Variants in ABCC4 observed in about 807,000 individuals in gnomAD.
The protein encoded by ABCC4 is ATP-binding cassette sub-family C member 4.
ABCC4 carries 102 observed loss-of-function variants against 168.5 expected under a neutral mutation model. The ratio of observed to expected loss-of-function variants is 0.61; its 90% confidence interval spans 0.52 to 0.71. ABCC4 has a LOEUF of 0.71. Among genes scored for constraint, ABCC4 ranks in the 30% least tolerant of loss-of-function variants. The probability of loss-of-function intolerance (pLI) is 0.00; values close to 1 mark genes in which losing one functional copy is unlikely to be tolerated. For missense variants in ABCC4, 1,402 were observed against 1,605.8 expected, an observed-to-expected ratio of 0.87 and a Z score of 2.17; for synonymous variants, 617 against 590.7, an observed-to-expected ratio of 1.04 and a Z score of -0.65.
chr13:95,191,984 C>A (rs2038267474), intron 9 of ABCC4, among the ~76,000 whole-genome samples: 1 of 152,206 alleles, frequency 6.6e-6, no homozygotes, highest in Non-Finnish European at 1.5e-5. Flanking sequence ...CCCTCTGGGA[C>A]CTCCCCAGGC....
chr13:95,221,274 G>A (rs2138714373), intron 4 of ABCC4, among the ~76,000 whole-genome samples: 1 of 152,194 alleles, frequency 6.6e-6, no homozygotes, highest in South Asian at 2.1e-4. Context: ...CAGTGCCCAG[G>A]ATGGCGTACA....
intron 1 of ABCC4, among the ~76,000 whole-genome samples, chr13:95,259,122 C>G (rs1449909216): frequency 6.6e-6 from 1 of 152,162 alleles, no homozygotes; most frequent in African/African-American, 2.4e-5. Flanking sequence ...CATGGTGGCT[C>G]ACGCCTGTAA....
chr13:95,035,276 CAT>C (rs1263516345), intron 29 of ABCC4, among the ~76,000 whole-genome samples: 1 of 152,158 alleles, frequency 6.6e-6, no homozygotes, highest in Non-Finnish European at 1.5e-5. Flanking sequence ...GGTTCTAGAA[CAT>C]GTCAGCTGCC....
At chr13:95,120,508 A>G (rs1678340) in intron 19 of ABCC4, among the ~76,000 whole-genome samples, 134,340 of 149,142 alleles carry the variant, frequency 0.9, 60,803 homozygotes, top group South Asian at 0.95. Flanking sequence ...GGAGGTTGCC[A>G]TGAGCCAAGA....
intron 3 of ABCC4, among the ~76,000 whole-genome samples, chr13:95,238,476 G>A (rs544512230): frequency 6.6e-6 from 1 of 152,236 alleles, no homozygotes; most frequent in Non-Finnish European, 1.5e-5. Context: ...ATTCTGGAGT[G>A]TAGAAACCAA....
At chr13:95,175,921 C>T (rs373337184) in intron 13 of ABCC4, among the ~76,000 whole-genome samples, 111 of 152,258 alleles carry the variant, frequency 7.3e-4, no homozygotes, top group African/African-American at 1.5e-3. Context: ...CTTTCTCTCA[C>T]GGTACCTTCT....
At chr13:95,217,422 C>G (rs1049597492) in intron 4 of ABCC4, among the ~76,000 whole-genome samples, 7 of 152,176 alleles carry the variant, frequency 4.6e-5, no homozygotes, top group Non-Finnish European at 8.8e-5. Context: ...TCCCCCCTCT[C>G]TAATAGTCCT....
intron 8 of ABCC4, among the ~76,000 whole-genome samples, chr13:95,202,256 G>A (rs2139663141): frequency 6.6e-6 from 1 of 152,284 alleles, no homozygotes. Flanking sequence ...CAGGGTCTCT[G>A]GCCTGCCAGC....
chr13:95,186,638 G>T, intron 11 of ABCC4, 63 bp downstream of exon 11: 2 of 1,460,102 alleles, frequency 1.4e-6, no homozygotes, highest in Non-Finnish European at 1.9e-6. Context: ...AAACCTTGTT[G>T]TTCAAGTGAA....
chr13:95,089,936 G>A (rs2034378119), intron 20 of ABCC4, among the ~76,000 whole-genome samples: 1 of 152,092 alleles, frequency 6.6e-6, no homozygotes, highest in African/African-American at 2.4e-5. Flanking sequence ...CGAGAGGCAG[G>A]ACTAGATTGC....
chr13:95,244,195 C>T lies in ABCC4; in HGVS notation c.306+2780G>A, dbSNP rs116544960. Among the ~76,000 whole-genome samples, 806 of 152,204 alleles carry T rather than the reference C, an allele frequency of 5.3e-3. 7 individuals carry two copies. Among genetic ancestry groups the T allele is most frequent in the African/African-American group, 0.017 (703 of 41,532 alleles). ...GGAGATGGTTAGGTCCCTAAGTCAG[C>T]GCTCCTGAGACTGAATCTGGGCTCT... On this transcript the variant is annotated intron_variant, in intron 3 of 30. Transcript: ENST00000645237.
intron 4 of ABCC4, among the ~76,000 whole-genome samples, chr13:95,223,496 G>GT (rs2039363257): frequency 6.6e-6 from 1 of 152,082 alleles, no homozygotes; most frequent in African/African-American, 2.4e-5. Context: ...AAAGTGTAAA[G>GT]TTTTTTGTTT....
chr13:95,139,739 A>G (rs1474934364), intron 19 of ABCC4, among the ~76,000 whole-genome samples: 1 of 152,162 alleles, frequency 6.6e-6, no homozygotes, highest in Non-Finnish European at 1.5e-5. Flanking sequence ...GTCATATTCA[A>G]TGGTTCTTTC....
rs533484637 is a variant in ABCC4 at position 95,191,521 on chromosome 13, C to T, written c.1264-2979G>A. The stretch of plus-strand genomic sequence containing the variant: ...ATTACCTAAACACTTGGAAAAATAA[C>T]GTTAAACAAAATGTGACATATTTAC... On this transcript the variant is annotated intron_variant, in intron 9 of 30. Transcript: ENST00000645237. 3.3e-5 allele frequency among the ~76,000 whole-genome samples: 5 copies of T among 152,214 alleles called. No individual in the cohort carries two copies. In the South Asian group the frequency reaches 8.3e-4, roughly 25 times the overall value.
chr13:95,292,716 A>G (rs551665041), intron 1 of ABCC4, among the ~76,000 whole-genome samples: 16 of 152,258 alleles, frequency 1.1e-4, no homozygotes, highest in Admixed American at 2.0e-4. Context: ...GTGGGCTAGA[A>G]GATCTCTTCC....
intron 13 of ABCC4, among the ~76,000 whole-genome samples, chr13:95,171,461 G>T (rs2037473276): frequency 6.6e-6 from 1 of 151,862 alleles, no homozygotes; most frequent in African/African-American, 2.4e-5. Flanking sequence ...GGAGGCTAAG[G>T]TGGGAGAATC....
At chr13:95,173,256 T>C (rs1054677744) in intron 13 of ABCC4, among the ~76,000 whole-genome samples, 9 of 152,234 alleles carry the variant, frequency 5.9e-5, no homozygotes, top group Non-Finnish European at 1.0e-4. Context: ...TCCTGGCAGA[T>C]ACAGCAGGTG....
intron 20 of ABCC4, among the ~76,000 whole-genome samples, chr13:95,083,530 C>CTT (rs372137669): frequency 0.024 from 3,384 of 138,732 alleles, 131 homozygotes; most frequent in African/African-American, 0.085. Flanking sequence ...TTTCCTTTTT[C>CTT]TTTTTTTTTT....
chr13:95,101,422 T>C (rs531981414), intron 20 of ABCC4, among the ~76,000 whole-genome samples: 6 of 152,186 alleles, frequency 3.9e-5, no homozygotes, highest in Admixed American at 2.6e-4. Context: ...TGCCTCAATA[T>C]ATTACAGTAT....
Sources: allele counts gnomAD v4.1 joint callset (sites outside exome capture counted in the v4.1 genomes callset), GRCh38; gene constraint gnomAD v4.1.1; transcripts MANE v1.5; gene names NCBI Gene and HGNC (gene_info 2026-07-23, HGNC 2026-07-21).